The following ADGRB3 variants were observed in gnomAD, a reference collection of about 807,000 sequenced individuals.
ADGRB3 encodes the protein adhesion G protein-coupled receptor B3.
In ADGRB3, 37 loss-of-function variants were observed where a neutral mutation model predicts 193.4. The ratio of observed to expected loss-of-function variants is 0.19; its 90% CI spans 0.15 to 0.25. The LOEUF is 0.25. ADGRB3 is among the 10% of genes least tolerant of loss of function. The probability of loss-of-function intolerance (pLI) is 1.00; values close to 1 mark genes in which losing one functional copy is unlikely to be tolerated. For missense variants in ADGRB3, 1,637 were observed against 1,852.9 expected, an observed-to-expected ratio of 0.88 and a Z score of 2.14; for synonymous variants, 690 against 644.2, an observed-to-expected ratio of 1.07 and a Z score of -1.08.
intron 17 of ADGRB3, among the ~76,000 whole-genome samples, chr6:69,095,202 G>A (rs936158130): frequency 6.6e-6 from 1 of 152,178 alleles, no homozygotes; most frequent in Non-Finnish European, 1.5e-5. Context: ...TAAAAAGCTG[G>A]ATTAAATGGT....
chr6:69,283,566 T>C (rs888390781), intron 20 of ADGRB3, among the ~76,000 whole-genome samples: 2 of 152,114 alleles, frequency 1.3e-5, no homozygotes, highest in Non-Finnish European at 2.9e-5. Flanking sequence ...AGCGTGAACT[T>C]TGGCAAGTTA....
At chr6:68,842,320 T>C (rs1322766810) in intron 3 of ADGRB3, among the ~76,000 whole-genome samples, 3 of 151,346 alleles carry the variant, frequency 2.0e-5, no homozygotes, top group African/African-American at 7.3e-5. Context: ...AAATTAGAGA[T>C]GAAAAAAGGA....
intron 10 of ADGRB3, among the ~76,000 whole-genome samples, chr6:68,982,749 C>A (rs1361849729): frequency 6.6e-6 from 1 of 152,152 alleles, no homozygotes; most frequent in Non-Finnish European, 1.5e-5. Context: ...GAAAAAAAAT[C>A]TCAGCAGGAT....
chr6:69,385,865 T>G (rs1248948602), intron 31 of ADGRB3, among the ~76,000 whole-genome samples: 4 of 152,056 alleles, frequency 2.6e-5, no homozygotes, highest in Admixed American at 6.6e-5. Flanking sequence ...TAGGCTCCTC[T>G]CTTATCACGC....
chr6:68,742,574 T>C (rs1372409319), intron 3 of ADGRB3, among the ~76,000 whole-genome samples: 1 of 152,120 alleles, frequency 6.6e-6, no homozygotes, highest in Non-Finnish European at 1.5e-5. Flanking sequence ...CCCAAAGAAG[T>C]CACTTACTCT....
intron 20 of ADGRB3, among the ~76,000 whole-genome samples, chr6:69,285,072 A>T (rs1235557964): frequency 6.6e-6 from 1 of 152,224 alleles, no homozygotes; most frequent in African/African-American, 2.4e-5. Context: ...AATGCTTTAG[A>T]ATATATCGGT....
At chr6:68,643,438 C>CTTTATTTTTT (rs1768128261) in intron 3 of ADGRB3, among the ~76,000 whole-genome samples, 1 of 65,030 alleles carries the variant, frequency 1.5e-5, no homozygotes, top group Non-Finnish European at 2.6e-5. Flanking sequence ...CTTCATCTTC[C>CTTTATTTTTT]TTTTTTTTTT....
chr6:69,239,907 A>C (rs1248368930), intron 20 of ADGRB3, among the ~76,000 whole-genome samples: 1 of 152,072 alleles, frequency 6.6e-6, no homozygotes, highest in Non-Finnish European at 1.5e-5. Flanking sequence ...AGCAATTTGA[A>C]GTAAACTTAC....
At chr6:68,669,549 C>T (rs1768890903) in intron 3 of ADGRB3, among the ~76,000 whole-genome samples, 1 of 151,630 alleles carries the variant, frequency 6.6e-6, no homozygotes, top group African/African-American at 2.4e-5. Flanking sequence ...TCCAGTCTCA[C>T]CCACGTTGTT....
rs73745988 is a variant in ADGRB3, at chr6:69,245,713, G to A, written c.2814+6487G>A. ...AGCTCATTCTCTGACACTCTGATGA[G>A]TTTTCCCATTAGAGAAAACCCTGCT... On this transcript the variant is annotated intron_variant, in intron 20 of 31. Coordinates refer to ENST00000370598, the MANE Select transcript of ADGRB3 (RefSeq NM_001704.3). 6.2e-3 allele frequency among the ~76,000 whole-genome samples: 950 copies of A among 152,034 alleles called. 10 individuals carry two copies. Among genetic ancestry groups the A allele is most frequent in the African/African-American group, 0.021 (869 of 41,464 alleles).
chr6:68,807,595 C>G (rs534257142), intron 3 of ADGRB3, among the ~76,000 whole-genome samples: 6 of 152,090 alleles, frequency 3.9e-5, no homozygotes, highest in Non-Finnish European at 5.9e-5. Flanking sequence ...CTGCTTGTCA[C>G]TTGATCATAA....
intron 17 of ADGRB3, among the ~76,000 whole-genome samples, chr6:69,122,855 A>G (rs1332351383): frequency 6.6e-6 from 1 of 152,054 alleles, no homozygotes; most frequent in Non-Finnish European, 1.5e-5. Context: ...CATACAACTT[A>G]TTCTGTGACC....
At chr6:69,141,020 A>G (rs1397886953) in intron 17 of ADGRB3, among the ~76,000 whole-genome samples, 1 of 152,152 alleles carries the variant, frequency 6.6e-6, no homozygotes, top group African/African-American at 2.4e-5. Context: ...AGGACAAATA[A>G]GTAAAATATA....
chr6:69,202,735 G>T (rs964722915), intron 17 of ADGRB3, among the ~76,000 whole-genome samples: 5 of 152,138 alleles, frequency 3.3e-5, no homozygotes, highest in Non-Finnish European at 7.4e-5. Flanking sequence ...ATAAAGAAAA[G>T]CTGGGTATAA....
At chr6:68,840,950 A>G (rs553115967) in intron 3 of ADGRB3, among the ~76,000 whole-genome samples, 39 of 152,322 alleles carry the variant, frequency 2.6e-4, no homozygotes, top group African/African-American at 8.9e-4. Context: ...AGCAGTAGCT[A>G]TACTTACATC....
chr6:68,981,084 A>G (rs1768896983), intron 10 of ADGRB3, among the ~76,000 whole-genome samples: 1 of 151,628 alleles, frequency 6.6e-6, no homozygotes, highest in Non-Finnish European at 1.5e-5. Context: ...TTAGTACTCA[A>G]GACATAGCAT....
chr6:68,825,569 C>A (rs555781057), intron 3 of ADGRB3, among the ~76,000 whole-genome samples: 1 of 152,288 alleles, frequency 6.6e-6, no homozygotes, highest in South Asian at 2.1e-4. Context: ...TGTCCCCACC[C>A]AGATCTCATA....
intron 17 of ADGRB3, among the ~76,000 whole-genome samples, chr6:69,090,050 C>T (rs1772662609): frequency 6.6e-6 from 1 of 152,124 alleles, no homozygotes; most frequent in Non-Finnish European, 1.5e-5. Context: ...TGTTTTTTAG[C>T]AAGGTAAACT....
intron 3 of ADGRB3, among the ~76,000 whole-genome samples, chr6:68,738,417 G>A (rs940525920): frequency 6.6e-6 from 1 of 152,146 alleles, no homozygotes; most frequent in Non-Finnish European, 1.5e-5. Flanking sequence ...ACTGAGAACA[G>A]CTGGGGGACA....
Sources: allele counts gnomAD v4.1 joint callset (sites outside exome capture counted in the v4.1 genomes callset), GRCh38; gene constraint gnomAD v4.1.1; transcripts MANE v1.5; gene names NCBI Gene and HGNC (gene_info 2026-07-23, HGNC 2026-07-21).